The following PCDH9 variants were observed in gnomAD, a reference collection of about 807,000 sequenced individuals.
The protein encoded by PCDH9 is protocadherin 9.
A neutral mutation model predicts 70.6 loss-of-function variants in PCDH9; 24 were observed. The ratio of observed to expected loss-of-function variants is 0.34; its 90% CI spans 0.25 to 0.48. The LOEUF (loss-of-function observed/expected upper bound fraction) is 0.48, where lower values mean the gene tolerates loss of function less well. Among genes scored for constraint, PCDH9 ranks in the 20% least tolerant of loss-of-function variants. The pLI, the probability that PCDH9 is intolerant of heterozygous loss-of-function variation, is 0.99. For synonymous variants in PCDH9, 562 were observed against 558.5 expected, an observed-to-expected ratio of 1.01 and a Z score of -0.09; for missense variants, 1,281 against 1,503.6, an observed-to-expected ratio of 0.85 and a Z score of 2.45.
chr13:66,994,865 A>T (rs544857354), intron 2 of PCDH9, among the ~76,000 whole-genome samples: 1 of 152,370 alleles, frequency 6.6e-6, no homozygotes, highest in Non-Finnish European at 1.5e-5. Flanking sequence ...GGTATGCCTC[A>T]TCTATCATGG....
chr13:67,112,802 C>T (rs2086683784), intron 2 of PCDH9, among the ~76,000 whole-genome samples: 1 of 152,008 alleles, frequency 6.6e-6, no homozygotes, highest in South Asian at 2.1e-4. Flanking sequence ...ACTGCAGCCT[C>T]GACCTCCCAA....
intron 3 of PCDH9, among the ~76,000 whole-genome samples, chr13:66,689,281 C>T (rs993322852): frequency 3.3e-5 from 5 of 152,122 alleles, no homozygotes; most frequent in Admixed American, 2.0e-4. Flanking sequence ...TACATTCAGG[C>T]ATGGCTAAAG....
chr13:66,934,912 G>A (rs1041755193), intron 2 of PCDH9, among the ~76,000 whole-genome samples: 5 of 149,546 alleles, frequency 3.3e-5, no homozygotes, highest in Admixed American at 6.6e-5. Flanking sequence ...AGTAGAGACG[G>A]GGTTTCACCG....
At chr13:66,920,755 G>A (rs1415010852) in intron 2 of PCDH9, among the ~76,000 whole-genome samples, 5 of 151,034 alleles carry the variant, frequency 3.3e-5, no homozygotes, top group African/African-American at 4.8e-5. Flanking sequence ...CAATTATATC[G>A]TGTGAATTCC....
chr13:66,546,987 C>T (rs1961236522), intron 4 of PCDH9, among the ~76,000 whole-genome samples: 2 of 152,034 alleles, frequency 1.3e-5, no homozygotes. Flanking sequence ...TAGTTTTGTC[C>T]AAGTACACTT....
At chr13:66,817,025 A>G (rs2080620086) in intron 3 of PCDH9, among the ~76,000 whole-genome samples, 1 of 151,892 alleles carries the variant, frequency 6.6e-6, no homozygotes, top group African/African-American at 2.4e-5. Flanking sequence ...ATTAAAAAAT[A>G]CAATAAAAAA....
At chr13:67,224,281 C>G (rs918199100) in intron 2 of PCDH9, 3 of 152,096 alleles carry the variant, frequency 2.0e-5, no homozygotes, top group Admixed American at 6.5e-5. Flanking sequence ...AAAGAGCAAG[C>G]GAATGAACTT....
At chr13:66,828,156 G>C (rs1274056053) in intron 3 of PCDH9, among the ~76,000 whole-genome samples, 5 of 152,048 alleles carry the variant, frequency 3.3e-5, no homozygotes, top group Admixed American at 3.3e-4. Context: ...AAACGTGAAA[G>C]TACTAATAAC....
intron 3 of PCDH9, among the ~76,000 whole-genome samples, chr13:66,847,855 A>G (rs1310815058): frequency 1.3e-5 from 2 of 152,204 alleles, no homozygotes; most frequent in Non-Finnish European, 2.9e-5. Context: ...TCATCACGCT[A>G]CTCAGAGGCG....
intron 4 of PCDH9, among the ~76,000 whole-genome samples, chr13:66,307,757 T>C (rs1955492781): frequency 6.6e-6 from 1 of 152,072 alleles, no homozygotes. Flanking sequence ...AAGGCTATTT[T>C]AAAATTAGCC....
intron 4 of PCDH9, among the ~76,000 whole-genome samples, chr13:66,546,537 A>C (rs1050502170): frequency 3.3e-5 from 5 of 152,226 alleles, no homozygotes; most frequent in African/African-American, 1.2e-4. Flanking sequence ...ATTACCAAAG[A>C]GTAAAAATGT....
chr13:66,729,354 C>T (rs182360725), intron 3 of PCDH9, among the ~76,000 whole-genome samples: 14 of 152,222 alleles, frequency 9.2e-5, no homozygotes, highest in Non-Finnish European at 1.8e-4. Context: ...GTACAATAGA[C>T]AATCAAGTAC....
chr13:67,194,711 A>G (rs1469509033), intron 2 of PCDH9, among the ~76,000 whole-genome samples: 1 of 152,156 alleles, frequency 6.6e-6, no homozygotes, highest in Non-Finnish European at 1.5e-5. Context: ...GATGCCTTCT[A>G]TAGAATTGCC....
chr13:66,595,496 T>C (rs2077092099), intron 4 of PCDH9, among the ~76,000 whole-genome samples: 1 of 151,750 alleles, frequency 6.6e-6, no homozygotes, highest in African/African-American at 2.4e-5. Context: ...TTTCTTTCTG[T>C]GTTTGCAGTC....
At chr13:66,431,067 C>T (rs576550379) in intron 4 of PCDH9, among the ~76,000 whole-genome samples, 1 of 152,072 alleles carries the variant, frequency 6.6e-6, no homozygotes, top group South Asian at 2.1e-4. Flanking sequence ...GTCCCTTTTT[C>T]ATGAAATTTG....
chr13:66,791,741 A>G (rs888405159), intron 3 of PCDH9, among the ~76,000 whole-genome samples: 2 of 152,152 alleles, frequency 1.3e-5, no homozygotes, highest in African/African-American at 4.8e-5. Flanking sequence ...AAAAATCGCA[A>G]TTACTTTTGG....
chr13:66,603,199 T>C (rs1346544382), intron 4 of PCDH9, among the ~76,000 whole-genome samples: 3 of 116,710 alleles, frequency 2.6e-5, no homozygotes, highest in African/African-American at 8.4e-5. Flanking sequence ...GACTAATAAT[T>C]GACTTAGTGC....
chr13:66,854,074 G>C (rs2081356761), intron 3 of PCDH9, among the ~76,000 whole-genome samples: 1 of 152,174 alleles, frequency 6.6e-6, no homozygotes, highest in Non-Finnish European at 1.5e-5. Flanking sequence ...GTAAAATGCT[G>C]TTCTTTTAGC....
intron 3 of PCDH9, among the ~76,000 whole-genome samples, chr13:66,681,264 T>C (rs186821637): frequency 6.6e-6 from 1 of 152,220 alleles, no homozygotes; most frequent in Admixed American, 6.5e-5. Context: ...CACACCAGCT[T>C]CCAGTTTTCA....
Sources: allele counts gnomAD v4.1 joint callset (sites outside exome capture counted in the v4.1 genomes callset), GRCh38; gene constraint gnomAD v4.1.1; transcripts MANE v1.5; gene names NCBI Gene and HGNC (gene_info 2026-07-23, HGNC 2026-07-21).